The following GPR89B variants were observed in gnomAD, a reference collection of about 807,000 sequenced individuals.
The protein encoded by GPR89B is G protein-coupled receptor 89B.
A neutral mutation model predicts 52.4 loss-of-function variants in GPR89B; 25 were observed. The observed-to-expected ratio is 0.48, with a 90% CI of 0.35 to 0.67. The LOEUF (loss-of-function observed/expected upper bound fraction) is 0.67. Among genes scored for constraint, GPR89B ranks in the 30% least tolerant of loss-of-function variants. GPR89B has a pLI of 0.01. For missense variants in GPR89B, 146 were observed against 450.2 expected, an observed-to-expected ratio of 0.32 and a Z score of 6.11; for synonymous variants, 52 against 151.2, an observed-to-expected ratio of 0.34 and a Z score of 4.81.
intron 7 of GPR89B, among the ~76,000 whole-genome samples, chr1:147,957,949 A>C (rs1656244212): frequency 6.6e-6 from 1 of 151,312 alleles, no homozygotes; most frequent in South Asian, 2.1e-4. Context: ...CTGTAGTCCC[A>C]GCTACTCGGG....
the GPR89B span, among the ~76,000 whole-genome samples, chr1:148,019,387 TA>T: frequency 1.3e-4 from 19 of 150,356 alleles, no homozygotes; most frequent in East Asian, 1.4e-3. Context: ...TAAATGGGGT[TA>T]GGGGGCAAGG....
intron 8 of GPR89B, chr1:147,967,979 C>G (rs1657151570): frequency 3.2e-6 from 1 of 314,374 alleles, no homozygotes; most frequent in African/African-American, 2.2e-5. Context: ...CTGAAGGGCA[C>G]TTACTGATTT....
chr1:147,949,133 A>T (rs1318471724), intron 5 of GPR89B, among the ~76,000 whole-genome samples: 2 of 152,140 alleles, frequency 1.3e-5, no homozygotes, highest in Non-Finnish European at 2.9e-5. Context: ...AGTACAGAAC[A>T]AAATGAAAAG....
intron 7 of GPR89B, among the ~76,000 whole-genome samples, chr1:147,954,754 C>T (rs1383234804): frequency 6.6e-6 from 1 of 152,262 alleles, no homozygotes; most frequent in East Asian, 1.9e-4. Flanking sequence ...TTAGATCATT[C>T]TCCTTAGATA....
At chr1:147,954,706 G>A (rs1311212354) in intron 7 of GPR89B, among the ~76,000 whole-genome samples, 17 of 152,414 alleles carry the variant, frequency 1.1e-4, no homozygotes, top group African/African-American at 4.1e-4. Context: ...AAGATTTAGT[G>A]TTTTGTGTGA....
the GPR89B span, among the ~76,000 whole-genome samples, chr1:148,012,905 C>A: frequency 5.3e-5 from 8 of 151,944 alleles, no homozygotes; most frequent in Non-Finnish European, 5.9e-5. Flanking sequence ...ATACACTCTG[C>A]AGCATTATTT....
intron 5 of GPR89B, among the ~76,000 whole-genome samples, chr1:147,944,467 A>G (rs1654796431): frequency 7.2e-6 from 1 of 139,510 alleles, no homozygotes; most frequent in African/African-American, 2.7e-5. Context: ...CTACAGGAAT[A>G]TATTTGTATG....
At chr1:148,011,471 TC>T in the GPR89B span, 1 of 152,226 alleles carries the variant, frequency 6.6e-6, no homozygotes, top group African/African-American at 2.4e-5. Flanking sequence ...TGCTGGACTT[TC>T]CCCTACCTTA....
the GPR89B span, among the ~76,000 whole-genome samples, chr1:148,008,991 T>C: frequency 2.6e-5 from 4 of 152,336 alleles, no homozygotes; most frequent in East Asian, 5.8e-4. Flanking sequence ...TTGCCTTTTA[T>C]TCCTTATTCT....
At chr1:148,002,378 A>T in the GPR89B span, among the ~76,000 whole-genome samples, 2 of 152,244 alleles carry the variant, frequency 1.3e-5, no homozygotes, top group African/African-American at 4.8e-5. Flanking sequence ...TACCTAAACT[A>T]TTACAGCACC....
At chr1:148,014,122 C>T in the GPR89B span, among the ~76,000 whole-genome samples, 13 of 151,298 alleles carry the variant, frequency 8.6e-5, no homozygotes, top group East Asian at 1.8e-3. Context: ...CTCCAACCTG[C>T]GGGGGCTGCG....
intron 10 of GPR89B, among the ~76,000 whole-genome samples, chr1:147,977,064 C>G (rs1657885993): frequency 6.6e-6 from 1 of 151,288 alleles, no homozygotes; most frequent in Non-Finnish European, 1.5e-5. Flanking sequence ...GAAACCCCAT[C>G]TCTACTAAAA....
intron 7 of GPR89B, among the ~76,000 whole-genome samples, chr1:147,957,937 G>A (rs878945543): frequency 6.6e-6 from 1 of 151,334 alleles, no homozygotes; most frequent in East Asian, 1.9e-4. Flanking sequence ...GGTGGTGGGC[G>A]CCTGTAGTCC....
chr1:147,979,571 A>G (rs1284494601), intron 10 of GPR89B, among the ~76,000 whole-genome samples: 1 of 152,050 alleles, frequency 6.6e-6, no homozygotes, highest in Admixed American at 6.5e-5. Flanking sequence ...ATCATAGTTT[A>G]TTGAGTATTG....
the GPR89B span, among the ~76,000 whole-genome samples, chr1:148,022,177 T>C: frequency 6.6e-6 from 1 of 151,798 alleles, no homozygotes; most frequent in East Asian, 1.9e-4. Context: ...CCGTAAGCCA[T>C]GTTTTCTTCT....
At chr1:147,994,027 A>C, downstream of GPR89B, 3 of 976,178 alleles carry the variant, frequency 3.1e-6, no homozygotes, top group East Asian at 4.5e-5. Flanking sequence ...CATACAGAGA[A>C]ATGTAGTTAA....
At chr1:147,981,932 G>A (rs1434794058) in intron 10 of GPR89B, among the ~76,000 whole-genome samples, 4 of 151,714 alleles carry the variant, frequency 2.6e-5, no homozygotes, top group Non-Finnish European at 2.9e-5. Flanking sequence ...GATTATATCC[G>A]TGAGCCACCA....
At chr1:147,935,219 A>C (rs587604669) in intron 1 of GPR89B, among the ~76,000 whole-genome samples, 17 of 150,776 alleles carry the variant, frequency 1.1e-4, no homozygotes, top group African/African-American at 3.7e-4. Context: ...TTCCTTTCAG[A>C]GGACATCTAC....
At chr1:147,936,825 G>A (rs7412116) in intron 2 of GPR89B, 139 bp downstream of exon 2, 66 of 745,548 alleles carry the variant, frequency 8.9e-5, no homozygotes, top group Non-Finnish European at 1.8e-5. Context: ...TATTAGATTG[G>A]AGAATATAAG....
Sources: gnomAD v4.1 joint callset for allele counts (sites outside exome capture counted in the v4.1 genomes callset) on GRCh38, gnomAD v4.1.1 for gene constraint, MANE v1.5 for transcripts, NCBI Gene and HGNC (gene_info 2026-07-23, HGNC 2026-07-21) for gene names.